The following HPS5 variants were observed in gnomAD, a reference collection of about 807,000 sequenced individuals.
The protein encoded by HPS5 is HPS5 biogenesis of lysosomal organelles complex 2 subunit 2, also known as BLOC-2 complex member HPS5.
Under a neutral mutation model 128.0 loss-of-function variants are expected in HPS5, and 83 were observed. That is an observed-to-expected ratio of 0.65 (90% CI 0.54 to 0.78). The LOEUF is 0.78. HPS5 is among the 30% of genes least tolerant of loss of function. The pLI, the probability that HPS5 is intolerant of heterozygous loss-of-function variation, is 0.00. For missense variants in HPS5, 1,281 were observed against 1,326.2 expected (o/e 0.97, Z 0.53); for synonymous variants, 475 against 470.2 (o/e 1.01, Z -0.13).
Position 18,305,454 on chromosome 11 carries a change from C to A in HPS5, c.864G>T (p.Gln288His). 1 of 1,611,112 alleles carries A rather than the reference C, an allele frequency of 6.2e-7. No individual in the cohort carries two copies. Among genetic ancestry groups the A allele is most frequent in the South Asian group, 1.1e-5 (1 of 90,984 alleles). ...PQYDHTAGSS[Q>H]SLSFPKLLHL... ...GTAAGAGTTTGGGGAAAGACAAAGA[C>A]TGGGAGGATCCAGCTGTATGATCAT... Residue 288 changes from glutamine to histidine, a missense_variant, in exon 8 of 23, where the codon CAG (glutamine) becomes CAT (histidine). Coordinates refer to ENST00000349215, the MANE Select transcript of HPS5 (RefSeq NM_181507.2).
Position 18,310,856 on chromosome 11 carries a change from T to C in HPS5, c.362A>G (p.His121Arg), listed in dbSNP as rs1258958002. The C allele has an allele frequency of 1.2e-6, 2 of 1,612,708 alleles. No homozygotes were observed. The highest frequency in any genetic ancestry group is 1.7e-6 in the Non-Finnish European group (2 of 1,179,374). ...GAGAGCTGTGACTCTTCGGCCTTTG[T>C]GTTCTGAAGACACATACATTTGTTC... The part of the protein sequence containing the change: ...KPEQMYVSSE[H>R]KGRRVTALCW... The change falls in exon 5 of 23, where the codon CAC (histidine) becomes CGC (arginine). Residue 121 changes from histidine (H) to arginine (R), a missense_variant. By Grantham distance (29) the His-to-Arg change is conservative. Coordinates refer to ENST00000349215, the MANE Select transcript of HPS5 (RefSeq NM_181507.2).
Position 18,312,041 on chromosome 11 carries a change from A to C in HPS5, c.109-17T>G, listed in dbSNP as rs751391016. 1 of 1,570,008 alleles carries C rather than the reference A, an allele frequency of 6.4e-7. No homozygotes were observed. Among genetic ancestry groups the C allele is most frequent in the Admixed American group, 1.7e-5 (1 of 59,952 alleles). On this transcript the variant is annotated splice_polypyrimidine_tract_variant and intron_variant, in intron 2 of 22. Transcript: ENST00000349215. ...GCTCGTGCACTAAAAACATGTGAAG[A>C]GAAGTGTGAGATAATCACAGCTACT...
intron 14 of HPS5, among the ~76,000 whole-genome samples, chr11:18,293,401 T>C (rs1031002377): frequency 1.3e-5 from 2 of 152,206 alleles, no homozygotes; most frequent in African/African-American, 4.8e-5. Flanking sequence ...CCCGATCTCC[T>C]GACCTCGTGA....
chr11:18,283,102 A>C (rs1859233637), intron 21 of HPS5, among the ~76,000 whole-genome samples: 1 of 152,128 alleles, frequency 6.6e-6, no homozygotes, highest in East Asian at 1.9e-4. Context: ...CCCAGGTTCA[A>C]GCAATTCTCC....
intron 5 of HPS5, 149 bp from the exon 6 acceptor site, chr11:18,309,228 A>G (rs920477205): frequency 2.4e-5 from 18 of 742,302 alleles, no homozygotes; most frequent in Non-Finnish European, 3.8e-5. Flanking sequence ...TAAGGATATC[A>G]AAGTTTTAGT....
At position 18,310,833 on chromosome 11, in the gene HPS5, G is replaced by C. The variant is rs1163386565; in HGVS notation, c.385C>G (p.Leu129Val). 1.2e-6 allele frequency: 2 copies of C among 1,612,520 alleles called. No individual in the cohort carries two copies. The highest frequency in any genetic ancestry group is 1.3e-5 in the African/African-American group (1 of 74,438). The stretch of plus-strand genomic sequence containing the variant: ...CTAAGAATAGCTGTATCCCAGCAGA[G>C]AGCTGTGACTCTTCGGCCTTTGTGT... The part of the protein sequence containing the change: ...SEHKGRRVTA[L>V]CWDTAILRVF... The change falls in exon 5 of 23, where the codon CTC (leucine) becomes GTC (valine). Residue 129 changes from leucine (L) to valine (V), a missense_variant. Leu to Val is a conservative substitution (Grantham distance 32). Coordinates refer to ENST00000349215, the MANE Select transcript of HPS5 (RefSeq NM_181507.2).
At chr11:18,310,969 C>T (rs1011606000) in intron 4 of HPS5, 36 bp from the exon 5 acceptor site, 1 of 1,540,878 alleles carries the variant, frequency 6.5e-7, no homozygotes, top group Non-Finnish European at 9.0e-7. Flanking sequence ...AACGTGGCAA[C>T]AGTGAACAAG....
In HPS5 at chr11:18,284,803, ATAAC is replaced by A. The variant is rs534709174; in HGVS notation, c.2951+539_2951+542del. On this transcript the variant is annotated intron_variant, in intron 20 of 22. Coordinates refer to ENST00000349215, the MANE Select transcript of HPS5 (RefSeq NM_181507.2). ...ATAAGCCAGTATCACCAGGCAATAA[ATAAC>A]TGACTGAAGTGTGACATGGATAATA... 8.2e-3 allele frequency among the ~76,000 whole-genome samples: 1,255 copies of A among 152,362 alleles called. 15 individuals carry two copies. The highest frequency in any genetic ancestry group is 0.028 in the African/African-American group (1,184 of 41,588).
intron 6 of HPS5, among the ~76,000 whole-genome samples, chr11:18,307,062 C>T (rs1343359976): frequency 6.6e-6 from 1 of 152,192 alleles, no homozygotes; most frequent in Non-Finnish European, 1.5e-5. Flanking sequence ...GCTTCCTATG[C>T]TTTGCTTTCA....
At chr11:18,294,565 G>A (rs1860822148) in intron 14 of HPS5, among the ~76,000 whole-genome samples, 1 of 152,096 alleles carries the variant, frequency 6.6e-6, no homozygotes, top group Non-Finnish European at 1.5e-5. Context: ...AGTTATGCAG[G>A]GGAAAGATGG....
At position 18,310,805 on chromosome 11, in the gene HPS5, A is replaced by G; in HGVS notation, c.413T>C (p.Val138Ala). 6.2e-7 allele frequency: 1 copy of G among 1,613,870 alleles called. No individual in the cohort carries two copies. The highest frequency in any genetic ancestry group is 1.1e-5 in the South Asian group (1 of 91,066). The change falls in exon 5 of 23, where the codon GTT becomes GCT. Residue 138 changes from valine to alanine, a missense_variant. Coordinates refer to ENST00000349215, the MANE Select transcript of HPS5 (RefSeq NM_181507.2). ...CTTCCCAGCATGATCACCTACAAAA[A>G]CTCTAAGAATAGCTGTATCCCAGCA... ...ALCWDTAILR[V>A]FVGDHAGKVS...
chr11:18,309,656 G>C (rs1862748194), intron 5 of HPS5, among the ~76,000 whole-genome samples: 1 of 152,180 alleles, frequency 6.6e-6, no homozygotes, highest in Non-Finnish European at 1.5e-5. Context: ...ACGTTGATAG[G>C]TCATGACGGC....
intron 13 of HPS5, 109 bp downstream of exon 13, chr11:18,295,890 A>T: frequency 1.6e-6 from 2 of 1,214,238 alleles, no homozygotes; most frequent in Non-Finnish European, 2.4e-6. Flanking sequence ...GTTATATGGA[A>T]AACAAGAGAC....
chr11:18,290,140 T>C (rs918185675), intron 16 of HPS5, among the ~76,000 whole-genome samples: 3 of 152,242 alleles, frequency 2.0e-5, no homozygotes, highest in East Asian at 1.9e-4. Context: ...TCCCCAGACA[T>C]AGCAACCCAA....
intron 10 of HPS5, among the ~76,000 whole-genome samples, chr11:18,298,452 G>A (rs990911760): frequency 1.1e-4 from 17 of 151,580 alleles, no homozygotes; most frequent in African/African-American, 2.7e-4. Flanking sequence ...CCGAGATTGC[G>A]CCACTGCACT....
chr11:18,279,007 T>C lies in HPS5; in HGVS notation c.*875A>G, dbSNP rs909186315. On this transcript the variant is annotated 3_prime_UTR_variant, in exon 23 of 23. Coordinates refer to ENST00000349215, the MANE Select transcript of HPS5 (RefSeq NM_181507.2). ...TAAGAATGAATTAGTCAGCTGTATATGGGTTCAGATTAGAAAATATTAAAT... is the reference window on the plus strand; with the variant it reads ...TAAGAATGAATTAGTCAGCTGTATACGGGTTCAGATTAGAAAATATTAAAT... The C allele has an allele frequency of 1.3e-5, 2 of 152,254 alleles. No homozygotes were observed. Among genetic ancestry groups the C allele is most frequent in the African/African-American group, 2.4e-5 (1 of 41,458 alleles). 9.4% of individuals were successfully genotyped at this position (152,254 alleles called of 1,614,324 possible).
At chr11:18,290,199 A>G (rs1860231402) in intron 16 of HPS5, among the ~76,000 whole-genome samples, 1 of 152,224 alleles carries the variant, frequency 6.6e-6, no homozygotes, top group African/African-American at 2.4e-5. Flanking sequence ...TAATGGAAGG[A>G]ACTTGGAATG....
rs758788578 is a variant in HPS5, at chr11:18,291,711, C to A, written c.2171G>T (p.Cys724Phe). The A allele has an allele frequency of 6.2e-7, 1 of 1,614,190 alleles. No homozygotes were observed. ...RESLDDLFQICSPCAIASGLR... is the reference protein window; with the variant it reads ...RESLDDLFQIFSPCAIASGLR... The stretch of plus-strand genomic sequence containing the variant: ...ACCACTTGCAATGGCGCATGGAGAA[C>A]ATATTTGAAACAGGTCATCCAAAGA... The change falls in exon 16 of 23, where the codon TGT (cysteine) becomes TTT (phenylalanine). Residue 724 changes from cysteine (C) to phenylalanine (F), a missense_variant. Transcript: ENST00000349215.
At chr11:18,279,969 C>G (rs774317430) in intron 22 of HPS5, 27 bp from the exon 23 acceptor site, 11 of 1,608,708 alleles carry the variant, frequency 6.8e-6, no homozygotes, top group African/African-American at 1.3e-5. Flanking sequence ...AAGAAACAAG[C>G]AAATTTAGTT....
Sources: gnomAD v4.1 joint callset for allele counts (sites outside exome capture counted in the v4.1 genomes callset) on GRCh38, gnomAD v4.1.1 for gene constraint, MANE v1.5 for transcripts, NCBI Gene and HGNC (gene_info 2026-07-23, HGNC 2026-07-21) for gene names.